The following ATP13A4 variants were observed in gnomAD, a reference collection of about 807,000 sequenced individuals.
ATP13A4 encodes ATPase 13A4, also known as probable cation-transporting ATPase 13A4.
In ATP13A4, 114 loss-of-function variants were observed where a neutral mutation model predicts 142.5. The ratio of observed to expected loss-of-function variants is 0.80; its 90% CI spans 0.69 to 0.93. The LOEUF is 0.93. Among genes scored for constraint, ATP13A4 ranks in the 40% least tolerant of loss-of-function variants. The pLI is 0.00. For missense variants in ATP13A4, 1,392 were observed against 1,454.0 expected, an observed-to-expected ratio of 0.96 and a Z score of 0.69; for synonymous variants, 488 against 514.8, an observed-to-expected ratio of 0.95 and a Z score of 0.70.
chr3:193,435,831 GA>G (rs1445052154), intron 23 of ATP13A4, 87 bp from the exon 24 acceptor site: 16 of 1,219,532 alleles, frequency 1.3e-5, no homozygotes, highest in East Asian at 4.7e-5. Flanking sequence ...AAGCTCAGGA[GA>G]AAAAAAATCA....
chr3:193,477,532 G>A (rs747812944), intron 8 of ATP13A4, among the ~76,000 whole-genome samples: 18 of 151,960 alleles, frequency 1.2e-4, no homozygotes, highest in Admixed American at 2.0e-4. Context: ...AAAAGGATGA[G>A]AATTATCTTC....
intron 1 of ATP13A4, among the ~76,000 whole-genome samples, chr3:193,545,973 T>TTGTGTGTGTG (rs3053200): frequency 3.9e-4 from 56 of 143,446 alleles, no homozygotes; most frequent in Non-Finnish European, 6.1e-4. Context: ...AATGTTTAAA[T>TTGTGTGTGTG]TGTGTGTGTG....
intron 1 of ATP13A4, among the ~76,000 whole-genome samples, chr3:193,543,308 T>A (rs138677087): frequency 6.6e-6 from 1 of 152,136 alleles, no homozygotes; most frequent in African/African-American, 2.4e-5. Context: ...GCTAAAGAGC[T>A]TCTGCACAAC....
intron 2 of ATP13A4, among the ~76,000 whole-genome samples, chr3:193,507,715 T>C (rs1441625494): frequency 8.5e-5 from 13 of 152,180 alleles, no homozygotes; most frequent in Admixed American, 8.5e-4. Flanking sequence ...TAGCGGGTCA[T>C]CGTCTGAAAC....
chr3:193,589,646 A>G (rs929312344), intron 1 of ATP13A4, among the ~76,000 whole-genome samples: 2 of 152,184 alleles, frequency 1.3e-5, no homozygotes, highest in African/African-American at 4.8e-5. Context: ...TAAAGTAGTA[A>G]AATTATTTCA....
chr3:193,546,823 T>A (rs1384446285), intron 1 of ATP13A4, among the ~76,000 whole-genome samples: 1 of 152,218 alleles, frequency 6.6e-6, no homozygotes, highest in African/African-American at 2.4e-5. Context: ...AACCTCCCTA[T>A]GCCTAAATTT....
At position 193,514,688 on chromosome 3, in the gene ATP13A4, ACACACTTACCGTTGT is replaced by A. The variant is rs1560247223; in HGVS notation, c.229_234+9del. The A allele has an allele frequency of 6.2e-7, 1 of 1,614,046 alleles. No individual in the cohort carries two copies. Among genetic ancestry groups the A allele is most frequent in the South Asian group, 1.1e-5 (1 of 91,078 alleles). Reference sequence around the variant, plus strand: ...GGGGGCACCAGCGACATAACCAGGTACACACTTACCGTTGTCCTCAGCAACACAGTGTCTGCTTCT... The same window carrying A: ...GGGGGCACCAGCGACATAACCAGGTACCTCAGCAACACAGTGTCTGCTTCT... On this transcript the variant is annotated splice_donor_variant and splice_donor_5th_base_variant and coding_sequence_variant and intron_variant, in exon 2 of 30. Coordinates refer to ENST00000342695, the MANE Select transcript of ATP13A4 (RefSeq NM_032279.4). LOFTEE classifies it high-confidence loss of function.
At chr3:193,572,282 A>G (rs1455183576) in intron 2 of ATP13A4, among the ~76,000 whole-genome samples, 3 of 152,162 alleles carry the variant, frequency 2.0e-5, no homozygotes, top group Non-Finnish European at 4.4e-5. Flanking sequence ...TTTGGGGTAT[A>G]TGGGAACTCT....
intron 25 of ATP13A4, among the ~76,000 whole-genome samples, chr3:193,426,002 G>T (rs1715640308): frequency 6.6e-6 from 1 of 151,544 alleles, no homozygotes; most frequent in Non-Finnish European, 1.5e-5. Flanking sequence ...ACAAATATGT[G>T]TTAATTAAAA....
chr3:193,553,445 C>T (rs1342785498), intron 1 of ATP13A4: 1 of 152,036 alleles, frequency 6.6e-6, no homozygotes, highest in East Asian at 1.9e-4. Flanking sequence ...AGGAAGGAGC[C>T]CCTGCCTTCT....
intron 18 of ATP13A4, among the ~76,000 whole-genome samples, chr3:193,445,273 T>A (rs1016001438): frequency 6.6e-6 from 1 of 151,290 alleles, no homozygotes; most frequent in Non-Finnish European, 1.5e-5. Context: ...CTGTCTCTAC[T>A]AAAAATATAA....
At chr3:193,444,877 G>A (rs976253105) in intron 18 of ATP13A4, among the ~76,000 whole-genome samples, 6 of 152,336 alleles carry the variant, frequency 3.9e-5, no homozygotes, top group African/African-American at 1.4e-4. Context: ...GAAGGATACA[G>A]GGAGCCCTGA....
chr3:193,465,370 T>C (rs1210231194), intron 11 of ATP13A4, among the ~76,000 whole-genome samples: 1 of 152,172 alleles, frequency 6.6e-6, no homozygotes, highest in Admixed American at 6.5e-5. Flanking sequence ...GTATTTTTAG[T>C]AGAGACGGGG....
chr3:193,497,209 A>G (rs776822305), intron 3 of ATP13A4, among the ~76,000 whole-genome samples: 1 of 152,226 alleles, frequency 6.6e-6, no homozygotes, highest in Non-Finnish European at 1.5e-5. Flanking sequence ...TAAGGAACTC[A>G]AAAAACTCAA....
intron 17 of ATP13A4, among the ~76,000 whole-genome samples, chr3:193,449,815 C>G (rs984368321): frequency 1.3e-5 from 2 of 152,148 alleles, no homozygotes; most frequent in South Asian, 2.1e-4. Flanking sequence ...CAAAGGCTCC[C>G]TCAGATAGAA....
In ATP13A4 at chr3:193,412,185, A is replaced by G. The variant is rs1397880904; in HGVS notation, c.3201T>C (p.Tyr1067=). 10 of 1,602,840 alleles carry G rather than the reference A, an allele frequency of 6.2e-6. No individual in the cohort carries two copies. The highest frequency in any genetic ancestry group is 7.7e-6 in the Non-Finnish European group (9 of 1,169,836). The change falls in exon 27 of 30, where the codon TAT becomes TAC. Residue 1067 remains tyrosine, a synonymous_variant. Transcript: ENST00000342695. ...CAGTACAGTTCTACTCACAGTTTGTATAAGTTGGCTGTCTAAATGGTTTTC... is the reference window on the plus strand; with the variant it reads ...CAGTACAGTTCTACTCACAGTTTGTGTAAGTTGGCTGTCTAAATGGTTTTC... The part of the protein sequence containing the change: ...SKGKPFRQPT[Y]TNYIFVLVLI...
chr3:193,520,675 G>C (rs190943080), intron 1 of ATP13A4, among the ~76,000 whole-genome samples: 2 of 152,106 alleles, frequency 1.3e-5, no homozygotes. Context: ...TCCCAGTCTT[G>C]TATACTACTT....
chr3:193,580,509 T>G (rs1407333455), intron 2 of ATP13A4, among the ~76,000 whole-genome samples: 1 of 152,184 alleles, frequency 6.6e-6, no homozygotes, highest in African/African-American at 2.4e-5. Context: ...CAACTCACTC[T>G]TACAGAGGAG....
At chr3:193,505,540 A>AT (rs1720814450) in intron 2 of ATP13A4, among the ~76,000 whole-genome samples, 1 of 152,164 alleles carries the variant, frequency 6.6e-6, no homozygotes, top group South Asian at 2.1e-4. Flanking sequence ...CCCAATCCCA[A>AT]TACTCATAAT....
Sources: allele counts gnomAD v4.1 joint callset (sites outside exome capture counted in the v4.1 genomes callset), GRCh38; gene constraint gnomAD v4.1.1; transcripts MANE v1.5; gene names NCBI Gene and HGNC (gene_info 2026-07-23, HGNC 2026-07-21).